Variants in CLUH observed in about 807,000 individuals in gnomAD.
CLUH encodes the protein clustered mitochondria protein homolog.
A neutral mutation model predicts 139.3 loss-of-function variants in CLUH; 77 were observed. That is an observed-to-expected ratio of 0.55 (90% CI 0.46 to 0.67). The LOEUF (loss-of-function observed/expected upper bound fraction) is 0.67, where lower values mean the gene tolerates loss of function less well. Among genes scored for constraint, CLUH ranks in the 30% least tolerant of loss-of-function variants. The pLI, the probability that CLUH is intolerant of heterozygous loss-of-function variation, is 0.00. For missense variants in CLUH, 1,876 were observed against 1,875.8 expected, an observed-to-expected ratio of 1.00 and a Z score of 0.00; for synonymous variants, 999 against 801.6, an observed-to-expected ratio of 1.25 and a Z score of -4.16.
intron 9 of CLUH, among the ~76,000 whole-genome samples, chr17:2,699,473 C>T (rs1024180889): frequency 6.6e-6 from 1 of 151,158 alleles, no homozygotes; most frequent in Non-Finnish European, 1.5e-5. Context: ...ACTACAGGCA[C>T]ATGCCACCAT....
Position 2,692,808 on chromosome 17 carries a change from G to A in CLUH, c.3284C>T (p.Thr1095Ile), listed in dbSNP as rs772733408. The A allele has an allele frequency of 1.7e-5, 28 of 1,604,264 alleles. No individual in the cohort carries two copies. Among genetic ancestry groups the A allele is most frequent in the Non-Finnish European group, 6.8e-6 (8 of 1,173,704 alleles). Reference sequence around the variant, plus strand: ...TTCCTGGATGGTGTTGGGGTGCTCGGTGCCCATCACCCGCTCGCTCATCAG... The same window carrying A: ...TTCCTGGATGGTGTTGGGGTGCTCGATGCCCATCACCCGCTCGCTCATCAG... ...AVLMSERVMGTEHPNTIQEYM... is the reference protein window; with the variant it reads ...AVLMSERVMGIEHPNTIQEYM... Residue 1095 changes from threonine to isoleucine, a missense_variant, in exon 20 of 26, where the codon ACC becomes ATC. Transcript: ENST00000651024.
At position 2,690,340 on chromosome 17, in the gene CLUH, G is replaced by A. The variant is rs938233184; in HGVS notation, c.*254C>T. 5 of 410,928 alleles carry A rather than the reference G, an allele frequency of 1.2e-5. No individual in the cohort carries two copies. Among genetic ancestry groups the A allele is most frequent in the Non-Finnish European group, 2.1e-5 (5 of 233,394 alleles). 25.5% of individuals were successfully genotyped at this position (410,928 alleles called of 1,614,324 possible). ...CCGAAGCAACACCTGCCCCCCAGCC[G>A]GGAACTGATGGCCGCACACGCCATT... On this transcript the variant is annotated 3_prime_UTR_variant, in exon 26 of 26. Transcript: ENST00000651024.
chr17:2,695,724 C>A (rs2069914697), intron 13 of CLUH, 198 bp from the exon 14 acceptor site: 1 of 689,022 alleles, frequency 1.5e-6, no homozygotes, highest in East Asian at 2.8e-5. Flanking sequence ...GTGGTACAGG[C>A]CCCCTCTAAC....
Position 2,690,671 on chromosome 17 carries a change from C to T in CLUH, c.3970G>A (p.Ala1324Thr), listed in dbSNP as rs760726368. The part of the protein sequence containing the change: ...RAEEPMATEP[A>T]PAGAPGDLGS... Reference sequence around the variant, plus strand: ...AGGTCTCCTGGGGCCCCCGCTGGCGCGGGCTCGGTAGCCATGGGCTCCTCG... The same window carrying T: ...AGGTCTCCTGGGGCCCCCGCTGGCGTGGGCTCGGTAGCCATGGGCTCCTCG... The change falls in exon 26 of 26, where the codon GCG (alanine) becomes ACG (threonine). Residue 1324 changes from alanine (A) to threonine (T), a missense_variant. Physicochemically the swap from Ala to Thr is moderately conservative, Grantham distance 58. Around this residue, in one of 3 missense-constraint regions of CLUH, gnomAD observed 1,454 missense variants for 1,384.4 expected, o/e 1.05. Transcript: ENST00000651024. The T allele has an allele frequency of 1.7e-5, 27 of 1,553,484 alleles. No individual in the cohort carries two copies. In the South Asian group the frequency reaches 1.8e-4, roughly 10 times the overall value.
At position 2,693,948 on chromosome 17, in the gene CLUH, G is replaced by A; in HGVS notation, c.3183C>T (p.Cys1061=). The change falls in exon 19 of 26, where the codon TGC becomes TGT. Residue 1061 remains cysteine, a synonymous_variant. Transcript: ENST00000651024. ...AGTGGAGGCGGGCGAGGAGGCGCAG[G>A]CAGGCGCAGGTCTCCACGTGCATGG... ...YGAMHVETCA[C]LRLLARLHYI... is the part of the protein sequence containing the mutation. 2 of 1,613,724 alleles carry A rather than the reference G, an allele frequency of 1.2e-6. No individual in the cohort carries two copies. The highest frequency in any genetic ancestry group is 1.3e-5 in the African/African-American group (1 of 75,064).
chr17:2,696,081 G>A lies in CLUH; in HGVS notation c.2391+78C>T, dbSNP rs942209313. 1.4e-5 allele frequency: 16 copies of A among 1,182,262 alleles called. No individual in the cohort carries two copies. In the Admixed American group the frequency reaches 3.1e-4, roughly 23 times the overall value. The allele number at this position is 1,182,262 out of a possible 1,614,324, so 73.2% of individuals were successfully genotyped here. A position where few individuals can be genotyped will look rare whatever the true frequency, so the allele number is the denominator to read the frequency against. Reference sequence around the variant, plus strand: ...GTCACTCCTGCGAGCCTGTGTTCATGGGCCTCCAAGTCGGAGACAGATGAG... The same window carrying A: ...GTCACTCCTGCGAGCCTGTGTTCATAGGCCTCCAAGTCGGAGACAGATGAG... On this transcript the variant is annotated intron_variant, in intron 13 of 25. Transcript: ENST00000651024.
chr17:2,710,305 G>T (rs1436166617), intron 1 of CLUH, among the ~76,000 whole-genome samples: 1 of 152,222 alleles, frequency 6.6e-6, no homozygotes, highest in African/African-American at 2.4e-5. Flanking sequence ...ATGAGCATCT[G>T]CTCTTCTGCC....
chr17:2,694,822 T>TACCCCCCCCCCCCCCCCCC, intron 16 of CLUH, 35 bp downstream of exon 16: 2 of 1,346,338 alleles, frequency 1.5e-6, no homozygotes, highest in Non-Finnish European at 1.0e-6. Context: ...ATCTGCCCAA[T>TACCCCCCCCCCCCCCCCCC]CCCACCCACC....
intron 19 of CLUH, 125 bp downstream of exon 19, chr17:2,693,775 G>C (rs1466141502): frequency 1.6e-6 from 2 of 1,246,880 alleles, no homozygotes; most frequent in Non-Finnish European, 2.2e-6. Flanking sequence ...GCCAGGGGTG[G>C]CCTGGGCAGA....
Position 2,691,985 on chromosome 17 carries a change from CCACG to C in CLUH, c.3654+15_3654+18del, listed in dbSNP as rs2069694881. 9.7e-6 allele frequency: 3 copies of C among 308,626 alleles called. No homozygotes were observed. The highest frequency in any genetic ancestry group is 4.0e-6 in the Non-Finnish European group (1 of 250,120). 19.1% of individuals were successfully genotyped at this position (308,626 alleles called of 1,614,324 possible). On this transcript the variant is annotated intron_variant, in intron 23 of 25. Transcript: ENST00000651024. ...CGCCCCCGCCCCGCCCCCGCCCCCG[CCACG>C]CCCCCGCCGCGCACCTGCGTCTTGT...
chr17:2,693,762 G>A lies in CLUH; in HGVS notation c.3231+138C>T. The A allele has an allele frequency of 4.5e-6, 5 of 1,113,912 alleles. No individual in the cohort carries two copies. The South Asian group carries it at 7.9e-5, about 18-fold the overall frequency. 69.0% of individuals were successfully genotyped at this position (1,113,912 alleles called of 1,614,324 possible). A position where few individuals can be genotyped will look rare whatever the true frequency, so the allele number is the denominator to read the frequency against. ...GCTCGGGACACAGTTACAGAGGGGT[G>A]GAGCCAGGGGTGGCCTGGGCAGAAC... is the stretch of plus-strand genomic sequence containing the variant. On this transcript the variant is annotated intron_variant, in intron 19 of 25. Transcript: ENST00000651024.
In CLUH at chr17:2,692,700, C is replaced by T. The variant is rs755208507; in HGVS notation, c.3313-4G>A. 6.8e-6 allele frequency: 11 copies of T among 1,609,112 alleles called. No individual in the cohort carries two copies. Among genetic ancestry groups the T allele is most frequent in the Non-Finnish European group, 8.5e-6 (10 of 1,177,492 alleles). Reference sequence around the variant, plus strand: ...AGCAGTACAGGGCCAGGTGCATCTGCGGGCGGGGCGGAGACAGGTCAGGGT... The same window carrying T: ...AGCAGTACAGGGCCAGGTGCATCTGTGGGCGGGGCGGAGACAGGTCAGGGT... On this transcript the variant is annotated splice_region_variant and splice_polypyrimidine_tract_variant and intron_variant, in intron 20 of 25. Transcript: ENST00000651024.
rs931986142 is a variant in CLUH at position 2,704,311 on chromosome 17, C to T, written c.303+51G>A. On this transcript the variant is annotated intron_variant, in intron 2 of 25. Transcript: ENST00000651024. This position sits in a 1 kb window ranked among gnomAD's most constrained non-coding sequence, Gnocchi z 5.7. ...AGCAAGGCTGAGCTTTCCAGCTCAC[C>T]CTCCCCAGCAGGCTCAGGCCTGGCC... 1 of 1,560,246 alleles carries T rather than the reference C, an allele frequency of 6.4e-7. No individual in the cohort carries two copies. Among genetic ancestry groups the T allele is most frequent in the African/African-American group, 1.4e-5 (1 of 73,332 alleles).
chr17:2,693,345 G>A (rs141226548), intron 19 of CLUH, among the ~76,000 whole-genome samples: 4 of 152,090 alleles, frequency 2.6e-5, no homozygotes, highest in African/African-American at 4.8e-5. Context: ...GCAGGGAGTC[G>A]ATATCACGCC....
intron 8 of CLUH, 85 bp downstream of exon 8, chr17:2,700,593 G>A: frequency 6.5e-7 from 1 of 1,530,914 alleles, no homozygotes; most frequent in Non-Finnish European, 8.8e-7. Context: ...AGTCAAGCAT[G>A]GGGCCTCCAG....
chr17:2,707,610 C>G lies in CLUH; in HGVS notation c.101-3046G>C. 3.0e-6 allele frequency: 3 copies of G among 985,398 alleles called. No homozygotes were observed. The highest frequency in any genetic ancestry group is 3.6e-6 in the Non-Finnish European group (3 of 829,888). The allele number at this position is 985,398 out of a possible 1,614,324, so 61.0% of individuals were successfully genotyped here. A position where few individuals can be genotyped will look rare whatever the true frequency, so the allele number is the denominator to read the frequency against. ...ACCTGGACCCCTCAAGATTGAGGGC[C>G]TAGGAGACTGGCTGGCAGGGGCAGG... On this transcript the variant is annotated intron_variant, in intron 1 of 25. Coordinates refer to ENST00000651024, the MANE Select transcript of CLUH (RefSeq NM_001366661.1). The surrounding 1 kb of genome is among the most constrained non-coding windows in gnomAD (Gnocchi z 7.4).
intron 1 of CLUH, among the ~76,000 whole-genome samples, chr17:2,708,866 G>A (rs931139708): frequency 7.5e-5 from 6 of 80,168 alleles, no homozygotes; most frequent in South Asian, 5.4e-4. Context: ...TACTCGGGGG[G>A]GGGGGAGCAG....
At chr17:2,693,055 A>G in intron 19 of CLUH, 195 bp from the exon 20 acceptor site, 1 of 435,294 alleles carries the variant, frequency 2.3e-6, no homozygotes, top group East Asian at 3.7e-5. Flanking sequence ...GTCACGCTCC[A>G]CAGAGAGCTC....
chr17:2,691,273 AGCGGG>A (rs546364534), intron 25 of CLUH, among the ~76,000 whole-genome samples: 1 of 152,180 alleles, frequency 6.6e-6, no homozygotes, highest in Admixed American at 6.5e-5. Flanking sequence ...GGGGAAGATA[AGCGGG>A]GCGGGCCGGG....
Sources: gnomAD v4.1 joint callset for allele counts (sites outside exome capture counted in the v4.1 genomes callset) on GRCh38, gnomAD v4.1.1 for gene constraint, gnomAD v4.1.1 regional missense constraint, Gnocchi (gnomAD v3.1) non-coding constraint, MANE v1.5 for transcripts, NCBI Gene and HGNC (gene_info 2026-07-23, HGNC 2026-07-21) for gene names.